The following KAZN variants were observed in gnomAD, a reference collection of about 807,000 sequenced individuals.
KAZN encodes kazrin.
KAZN carries 40 observed loss-of-function variants against 87.4 expected under a neutral mutation model. The observed-to-expected ratio is 0.46, with a 90% CI of 0.36 to 0.60. The LOEUF (loss-of-function observed/expected upper bound fraction) is 0.60, where lower values mean the gene tolerates loss of function less well. KAZN is among the 20% of genes least tolerant of loss of function. The pLI is 0.00. For synonymous variants in KAZN, 466 were observed against 458.3 expected (o/e 1.02, Z -0.22); for missense variants, 898 against 1,073.9 (o/e 0.84, Z 2.29).
intron 2 of KAZN, among the ~76,000 whole-genome samples, chr1:14,413,763 A>G (rs940415128): frequency 6.6e-6 from 1 of 152,168 alleles, no homozygotes; most frequent in African/African-American, 2.4e-5. Context: ...TACTGCAAAC[A>G]AAGTAAAATG....
intron 2 of KAZN, among the ~76,000 whole-genome samples, chr1:14,560,500 C>A (rs1028892250): frequency 5.3e-5 from 8 of 152,154 alleles, no homozygotes; most frequent in Non-Finnish European, 1.2e-4. Context: ...ATTGCTTGAA[C>A]CCAGGAAGCA....
At chr1:14,445,642 C>T (rs116222161) in intron 2 of KAZN, among the ~76,000 whole-genome samples, 4 of 152,068 alleles carry the variant, frequency 2.6e-5, no homozygotes, top group Non-Finnish European at 5.9e-5. Flanking sequence ...GTCTGGGAAG[C>T]CTGGCTGGTG....
intron 1 of KAZN, among the ~76,000 whole-genome samples, chr1:14,900,519 C>G (rs759642103): frequency 6.6e-6 from 1 of 151,928 alleles, no homozygotes; most frequent in South Asian, 2.1e-4. Flanking sequence ...TTTGGGAGGC[C>G]GAGGCGGGTG....
chr1:14,398,958 CCT>C (rs1417564618), intron 2 of KAZN, among the ~76,000 whole-genome samples: 4 of 152,120 alleles, frequency 2.6e-5, no homozygotes, highest in Non-Finnish European at 5.9e-5. Context: ...CCACCGATCC[CCT>C]GAATCTCCCC....
chr1:14,895,072 T>C (rs1019215880), intron 1 of KAZN, among the ~76,000 whole-genome samples: 1 of 152,380 alleles, frequency 6.6e-6, no homozygotes, highest in Middle Eastern at 3.4e-3. Flanking sequence ...GCGAGCCTTG[T>C]GGTGACTGAG....
chr1:13,971,147 G>T (rs1642121912), intron 1 of KAZN, among the ~76,000 whole-genome samples: 1 of 152,156 alleles, frequency 6.6e-6, no homozygotes, highest in Non-Finnish European at 1.5e-5. Context: ...GGACCACTCA[G>T]CTCTCCTCCA....
chr1:14,830,562 G>T (rs557442687), intron 1 of KAZN, among the ~76,000 whole-genome samples: 1 of 152,290 alleles, frequency 6.6e-6, no homozygotes, highest in African/African-American at 2.4e-5. Context: ...AGTTCTGCAG[G>T]CTGTACAAGA....
chr1:14,372,095 A>AT (rs1660534402), intron 2 of KAZN, among the ~76,000 whole-genome samples: 1 of 152,238 alleles, frequency 6.6e-6, no homozygotes, highest in South Asian at 2.1e-4. Flanking sequence ...AAACAAGTTC[A>AT]TAACAAGTAA....
At chr1:14,530,175 G>T (rs573884941) in intron 2 of KAZN, among the ~76,000 whole-genome samples, 2 of 152,270 alleles carry the variant, frequency 1.3e-5, no homozygotes, top group East Asian at 3.9e-4. Context: ...TGCCAGGAGG[G>T]CAGGTGGGCT....
At position 15,065,139 on chromosome 1, in the gene KAZN, C is replaced by T. The variant is rs145144770; in HGVS notation, c.1099-491C>T. Among the ~76,000 whole-genome samples, 1,244 of 149,994 alleles carry T rather than the reference C, an allele frequency of 8.3e-3. 25 individuals are homozygous for T. Among genetic ancestry groups the T allele is most frequent in the East Asian group, 0.073 (366 of 5,038 alleles). ...CTCCTCCTGGGTTCAAGTGATTCTC[C>T]TGCCTTAGCCTCTCAAGTAGCTGGG... On this transcript the variant is annotated intron_variant, in intron 7 of 14. Coordinates refer to ENST00000376030, the MANE Select transcript of KAZN (RefSeq NM_201628.3).
chr1:14,629,126 T>G (rs1002121310), intron 1 of KAZN, among the ~76,000 whole-genome samples: 2 of 152,088 alleles, frequency 1.3e-5, no homozygotes, highest in Non-Finnish European at 2.9e-5. Context: ...GGATTACAGG[T>G]GTGAGCCACC....
chr1:15,070,810 C>T (rs1183715766), intron 8 of KAZN, among the ~76,000 whole-genome samples: 2 of 152,170 alleles, frequency 1.3e-5, no homozygotes, highest in Non-Finnish European at 2.9e-5. Flanking sequence ...CACTGCACTC[C>T]AGCCTGGGCG....
intron 1 of KAZN, among the ~76,000 whole-genome samples, chr1:14,932,131 C>A (rs1557633994): frequency 2.0e-5 from 3 of 152,176 alleles, no homozygotes; most frequent in Non-Finnish European, 2.9e-5. Flanking sequence ...GCAGAGGAGC[C>A]AAGGCGCTGG....
chr1:14,150,806 A>G (rs556555431), intron 1 of KAZN, among the ~76,000 whole-genome samples: 1 of 152,334 alleles, frequency 6.6e-6, no homozygotes, highest in East Asian at 1.9e-4. Flanking sequence ...ACTCTTCCAA[A>G]TAATTACTGG....
rs769749909 is a variant in KAZN at position 15,094,930 on chromosome 1, G to A, written c.1544G>A (p.Arg515His). The A allele has an allele frequency of 1.6e-5, 24 of 1,548,222 alleles. No homozygotes were observed. Among genetic ancestry groups the A allele is most frequent in the Admixed American group, 1.2e-4 (6 of 50,962 alleles). The change falls in exon 10 of 15, where the codon CGC becomes CAC. Residue 515 changes from arginine to histidine, a missense_variant. Transcript: ENST00000376030. The surrounding 1 kb of genome is among the most constrained non-coding windows in gnomAD (Gnocchi z 4.5). Reference protein sequence around the residue: ...IEDYRDAEAGRSLSKAAELDH... With the variant: ...IEDYRDAEAGHSLSKAAELDH... Reference sequence around the variant, plus strand: ...GACTACCGTGATGCCGAGGCAGGCCGCAGGTGAGCCCACCACGAGGGGCCC... The same window carrying A: ...GACTACCGTGATGCCGAGGCAGGCCACAGGTGAGCCCACCACGAGGGGCCC...
chr1:13,961,294 G>A (rs1263550918), intron 1 of KAZN, among the ~76,000 whole-genome samples: 1 of 152,136 alleles, frequency 6.6e-6, no homozygotes, highest in Non-Finnish European at 1.5e-5. Flanking sequence ...AGAACAGACA[G>A]ACAGACACAC....
intron 1 of KAZN, among the ~76,000 whole-genome samples, chr1:14,680,392 T>C (rs143081805): frequency 6.6e-6 from 1 of 152,338 alleles, no homozygotes; most frequent in African/African-American, 2.4e-5. Flanking sequence ...TCTAGAACTT[T>C]ATCTACGTGG....
chr1:14,656,992 C>T (rs1372851495), intron 1 of KAZN, among the ~76,000 whole-genome samples: 1 of 151,956 alleles, frequency 6.6e-6, no homozygotes, highest in Non-Finnish European at 1.5e-5. Flanking sequence ...CTGGCCACTA[C>T]ACAGTCAGGC....
chr1:14,915,386 G>A (rs1421540466), intron 1 of KAZN, among the ~76,000 whole-genome samples: 1 of 152,080 alleles, frequency 6.6e-6, no homozygotes, highest in Non-Finnish European at 1.5e-5. Flanking sequence ...TCTTTTCTTG[G>A]GCCCCTTGCT....
Sources: gnomAD v4.1 joint callset for allele counts (sites outside exome capture counted in the v4.1 genomes callset) on GRCh38, gnomAD v4.1.1 for gene constraint, Gnocchi (gnomAD v3.1) non-coding constraint, MANE v1.5 for transcripts, NCBI Gene and HGNC (gene_info 2026-07-23, HGNC 2026-07-21) for gene names.